FHL2: variants seen among roughly 807,000 people sequenced by gnomAD.
The protein encoded by FHL2 is four and a half LIM domains protein 2.
Under a neutral mutation model 32.7 loss-of-function variants are expected in FHL2, and 20 were observed. That is an observed-to-expected ratio of 0.61 (90% CI 0.43 to 0.89). FHL2 has a LOEUF of 0.89. Among genes scored for constraint, FHL2 ranks in the 40% least tolerant of loss-of-function variants. FHL2 has a pLI of 0.00. For synonymous variants in FHL2, 123 were observed against 128.1 expected, an observed-to-expected ratio of 0.96 and a Z score of 0.27; for missense variants, 311 against 358.6, an observed-to-expected ratio of 0.87 and a Z score of 1.07.
At position 105,438,478 on chromosome 2, in the gene FHL2, G is replaced by T. The variant is rs201908102; in HGVS notation, c.-104C>A. ...GCTGTGCAGGCGGACTGCCTGGTTG[G>T]ATGGCCCCAACCTTCTGTGCAGCTG... On this transcript the variant is annotated 5_prime_UTR_variant, in exon 1 of 6. Transcript: ENST00000393352. 154 of 985,600 alleles carry T rather than the reference G, an allele frequency of 1.6e-4. No individual in the cohort carries two copies. The East Asian group carries it at 0.015, about 96-fold the overall frequency. The allele number at this position is 985,600 out of a possible 1,614,324, so 61.1% of individuals were successfully genotyped here. A position where few individuals can be genotyped will look rare whatever the true frequency, so the allele number is the denominator to read the frequency against.
chr2:105,371,568 C>CTCTCTCTCTA (rs1681070553), intron 4 of FHL2, among the ~76,000 whole-genome samples: 1 of 146,854 alleles, frequency 6.8e-6, no homozygotes, highest in Admixed American at 6.8e-5. Flanking sequence ...CTCTCTCTCT[C>CTCTCTCTCTA]TCTCTCTCCT....
At chr2:105,416,758 T>C (rs1252960367) in intron 1 of FHL2, among the ~76,000 whole-genome samples, 1 of 152,230 alleles carries the variant, frequency 6.6e-6, no homozygotes, top group East Asian at 1.9e-4. Flanking sequence ...GGAAAGTTTT[T>C]ACACACTGGG....
At chr2:105,433,562 A>T (rs1684503272) in intron 1 of FHL2, among the ~76,000 whole-genome samples, 1 of 152,102 alleles carries the variant, frequency 6.6e-6, no homozygotes, top group Non-Finnish European at 1.5e-5. Flanking sequence ...CTGGCATTGC[A>T]CTGCTTGTAT....
intron 4 of FHL2, among the ~76,000 whole-genome samples, chr2:105,370,213 C>CCG (rs1680942175): frequency 2.0e-5 from 3 of 151,846 alleles, no homozygotes; most frequent in Admixed American, 6.6e-5. Flanking sequence ...TCTCTACCCC[C>CCG]CCAAAAAAAA....
chr2:105,435,945 G>T (rs1344117628), intron 1 of FHL2, among the ~76,000 whole-genome samples: 2 of 152,122 alleles, frequency 1.3e-5, no homozygotes, highest in African/African-American at 4.8e-5. Flanking sequence ...TATGTTTTAT[G>T]CATTGTTGCC....
chr2:105,431,485 AAG>A (rs1684428411), intron 1 of FHL2, among the ~76,000 whole-genome samples: 1 of 152,182 alleles, frequency 6.6e-6, no homozygotes, highest in Non-Finnish European at 1.5e-5. Flanking sequence ...TGTCTTGGGG[AAG>A]AGTCTGACAG....
At chr2:105,359,088 G>C (rs1212427280), downstream of FHL2, 1 of 152,144 alleles carries the variant, frequency 6.6e-6, no homozygotes, top group African/African-American at 2.4e-5. Context: ...TGCCTGCTTT[G>C]GATCGTGCTC....
At chr2:105,418,068 T>A (rs956332039) in intron 1 of FHL2, among the ~76,000 whole-genome samples, 2 of 152,122 alleles carry the variant, frequency 1.3e-5, no homozygotes, top group African/African-American at 4.8e-5. Flanking sequence ...ATTAAAACAC[T>A]TTAGGCTGGG....
chr2:105,411,507 T>C (rs139434532), intron 1 of FHL2, among the ~76,000 whole-genome samples: 223 of 149,502 alleles, frequency 1.5e-3, no homozygotes, highest in African/African-American at 5.2e-3. Context: ...ATCTTTGAAA[T>C]GATGAATTTG....
intron 3 of FHL2, among the ~76,000 whole-genome samples, chr2:105,377,493 T>C (rs1462431294): frequency 6.6e-6 from 1 of 151,866 alleles, no homozygotes; most frequent in Non-Finnish European, 1.5e-5. Context: ...TAGCCAGGCG[T>C]GGTGGTGCAT....
chr2:105,381,423 T>C (rs1433430432), intron 3 of FHL2, among the ~76,000 whole-genome samples: 1 of 152,086 alleles, frequency 6.6e-6, no homozygotes, highest in East Asian at 1.9e-4. Flanking sequence ...CGGAGGCTTA[T>C]AGGTGGCAGG....
chr2:105,410,844 C>T (rs1028678937), intron 1 of FHL2, among the ~76,000 whole-genome samples: 4 of 152,178 alleles, frequency 2.6e-5, no homozygotes, highest in African/African-American at 9.6e-5. Context: ...GTTAGCAGTG[C>T]TGGACCTTGG....
rs146005769 is a variant in FHL2, at chr2:105,378,397, G to A, written c.157-4664C>T. ...GATCCCACCTCGCAAGGTGAAGGCCGCATTCTCTCAGGACAACCTGGTCTG... is the reference window on the plus strand; with the variant it reads ...GATCCCACCTCGCAAGGTGAAGGCCACATTCTCTCAGGACAACCTGGTCTG... On this transcript the variant is annotated intron_variant, in intron 3 of 6. Transcript: ENST00000530340. The A allele has an allele frequency of 9.6e-4, 331 of 345,592 alleles. 3 individuals are homozygous for A. Among genetic ancestry groups the A allele is most frequent in the African/African-American group, 5.3e-3 (246 of 46,508 alleles). 21.4% of individuals were successfully genotyped at this position (345,592 alleles called of 1,614,324 possible).
intron 3 of FHL2, among the ~76,000 whole-genome samples, chr2:105,379,144 C>T (rs568817502): frequency 1.3e-5 from 2 of 152,306 alleles, no homozygotes; most frequent in South Asian, 4.1e-4. Context: ...CCCTATGCCA[C>T]GTACATCACC....
intron 1 of FHL2, among the ~76,000 whole-genome samples, chr2:105,397,839 C>G (rs1573374779): frequency 6.6e-6 from 1 of 151,256 alleles, no homozygotes; most frequent in East Asian, 1.9e-4. Flanking sequence ...ACTAGGAATT[C>G]CTGTACTTCT....
At chr2:105,368,112 C>T (rs369987384) in intron 4 of FHL2, among the ~76,000 whole-genome samples, 2 of 152,180 alleles carry the variant, frequency 1.3e-5, no homozygotes, top group South Asian at 2.1e-4. Flanking sequence ...CTTTTGGAGT[C>T]TAGGGACTGT....
At chr2:105,436,806 G>C (rs1684626971) in intron 1 of FHL2, among the ~76,000 whole-genome samples, 1 of 152,018 alleles carries the variant, frequency 6.6e-6, no homozygotes. Flanking sequence ...CTTTTTGCTG[G>C]TCTGTATTTT....
chr2:105,372,458 C>A (rs56120302), intron 4 of FHL2, among the ~76,000 whole-genome samples: 6 of 152,090 alleles, frequency 3.9e-5, no homozygotes, highest in African/African-American at 9.7e-5. Flanking sequence ...AACTCCTGAC[C>A]TCGTGATCCG....
intron 1 of FHL2, among the ~76,000 whole-genome samples, chr2:105,412,521 AGCT>A (rs2104657408): frequency 6.6e-6 from 1 of 152,334 alleles, no homozygotes; most frequent in South Asian, 2.1e-4. Context: ...AGAAGGTTGG[AGCT>A]GATGGTATGA....
Sources: gnomAD v4.1 joint callset for allele counts (sites outside exome capture counted in the v4.1 genomes callset) on GRCh38, gnomAD v4.1.1 for gene constraint, MANE v1.5 for transcripts, NCBI Gene and HGNC (gene_info 2026-07-23, HGNC 2026-07-21) for gene names.